The following TCERG1L variants were observed in gnomAD, a reference collection of about 807,000 sequenced individuals.
TCERG1L encodes the protein transcription elongation regulator 1-like protein.
TCERG1L carries 37 observed loss-of-function variants against 56.3 expected under a neutral mutation model. The observed-to-expected ratio is 0.66, with a 90% CI of 0.51 to 0.87. TCERG1L has a LOEUF of 0.87. Ranked by LOEUF, TCERG1L falls within the 40% of genes least tolerant of loss-of-function variation. The probability of loss-of-function intolerance (pLI) is 0.00; values close to 1 mark genes in which losing one functional copy is unlikely to be tolerated. For synonymous variants in TCERG1L, 324 were observed against 326.3 expected (o/e 0.99, Z 0.08); for missense variants, 799 against 774.2 (o/e 1.03, Z -0.38).
intron 4 of TCERG1L, 137 bp from the exon 5 acceptor site, chr10:131,167,022 T>C: frequency 5.6e-6 from 4 of 715,114 alleles, no homozygotes; most frequent in African/African-American, 1.8e-5. Flanking sequence ...AAAGGTGGCA[T>C]TGCCCTGTCC....
intron 4 of TCERG1L, among the ~76,000 whole-genome samples, chr10:131,206,638 G>C (rs928004581): frequency 3.9e-5 from 6 of 152,212 alleles, no homozygotes; most frequent in African/African-American, 1.4e-4. Context: ...TGTTCCCAAA[G>C]GGACGACTGT....
Position 131,146,492 on chromosome 10 carries a change from C to T in TCERG1L, c.1189+14G>A, listed in dbSNP as rs753704933. The T allele has an allele frequency of 6.3e-7, 1 of 1,595,816 alleles. No individual in the cohort carries two copies. The highest frequency in any genetic ancestry group is 1.1e-5 in the South Asian group (1 of 89,236). On this transcript the variant is annotated intron_variant, in intron 7 of 11. Transcript: ENST00000368642. ...CACTTCAAAGGAGGTGTAAATAACC[C>T]AGGGCTTAGTTACTTGCTGGTGCCT...
intron 3 of TCERG1L, among the ~76,000 whole-genome samples, chr10:131,273,717 G>A (rs1312115141): frequency 6.6e-6 from 1 of 152,152 alleles, no homozygotes; most frequent in African/African-American, 2.4e-5. Context: ...GGTGGCACTG[G>A]CCCAAGGTCT....
At chr10:131,270,538 T>C (rs1031420500) in intron 3 of TCERG1L, among the ~76,000 whole-genome samples, 4 of 152,188 alleles carry the variant, frequency 2.6e-5, no homozygotes, top group African/African-American at 7.2e-5. Context: ...TAATTAACCA[T>C]GTGCTTCCCT....
Position 131,112,304 on chromosome 10 carries a change from C to T in TCERG1L, c.1395+4495G>A, listed in dbSNP as rs192032334. Among the ~76,000 whole-genome samples the T allele has an allele frequency of 5.7e-4, 81 of 142,792 alleles. 5 individuals are homozygous for T. The highest frequency in any genetic ancestry group is 1.9e-3 in the African/African-American group (78 of 40,622). The allele number at this position is 142,792 out of a possible 152,430, so 93.7% of individuals were successfully genotyped here. ...TGACTCCCACACTGTCCTGGAGATG[C>T]CTGTCTGGATCTGCAGCCCACCCGG... On this transcript the variant is annotated intron_variant, in intron 9 of 11. Coordinates refer to ENST00000368642, the MANE Select transcript of TCERG1L (RefSeq NM_174937.4).
At chr10:131,284,836 T>C (rs550525946) in intron 3 of TCERG1L, among the ~76,000 whole-genome samples, 1 of 152,170 alleles carries the variant, frequency 6.6e-6, no homozygotes, top group South Asian at 2.1e-4. Context: ...CCTACCAGAA[T>C]AGGAAATAGA....
At chr10:131,215,758 A>G (rs566050231) in intron 4 of TCERG1L, among the ~76,000 whole-genome samples, 2 of 152,234 alleles carry the variant, frequency 1.3e-5, no homozygotes, top group Non-Finnish European at 2.9e-5. Context: ...GTTGCGGCCA[A>G]GAGTCTACCC....
intron 4 of TCERG1L, among the ~76,000 whole-genome samples, chr10:131,259,725 A>G (rs781424353): frequency 5.9e-5 from 9 of 152,158 alleles, no homozygotes; most frequent in Non-Finnish European, 1.0e-4. Context: ...ATGAGCTCAA[A>G]TGCCTTTGTG....
intron 3 of TCERG1L, among the ~76,000 whole-genome samples, chr10:131,278,283 G>A (rs902956262): frequency 2.0e-5 from 3 of 151,840 alleles, no homozygotes; most frequent in African/African-American, 7.3e-5. Flanking sequence ...GTGAAGATGA[G>A]ACGAGGCCCC....
At chr10:131,259,077 A>C (rs1846206042) in intron 4 of TCERG1L, among the ~76,000 whole-genome samples, 1 of 152,326 alleles carries the variant, frequency 6.6e-6, no homozygotes, top group Non-Finnish European at 1.5e-5. Context: ...TGATCTTGAG[A>C]ATACAATATC....
chr10:131,273,022 CTG>C (rs1233940841), intron 3 of TCERG1L, among the ~76,000 whole-genome samples: 3 of 152,180 alleles, frequency 2.0e-5, no homozygotes, highest in Non-Finnish European at 4.4e-5. Context: ...GCTTTGGAGA[CTG>C]TTCTTCAGAC....
intron 4 of TCERG1L, among the ~76,000 whole-genome samples, chr10:131,181,111 C>T (rs373046154): frequency 8.5e-5 from 13 of 152,340 alleles, no homozygotes; most frequent in East Asian, 5.8e-4. Flanking sequence ...CAGACCTCCG[C>T]GCTGCTCCCT....
chr10:131,158,835 C>A (rs1018988843), intron 6 of TCERG1L, among the ~76,000 whole-genome samples: 3 of 152,224 alleles, frequency 2.0e-5, no homozygotes, highest in African/African-American at 7.2e-5. Flanking sequence ...TTCCCTGAGA[C>A]ATGGGGAGCG....
At chr10:131,141,337 A>C in intron 7 of TCERG1L, among the ~76,000 whole-genome samples, 1 of 151,884 alleles carries the variant, frequency 6.6e-6, no homozygotes, top group East Asian at 1.9e-4. Context: ...AGCTCAAAAC[A>C]CACCCTTTAC....
intron 3 of TCERG1L, among the ~76,000 whole-genome samples, chr10:131,270,635 G>GT (rs1218099104): frequency 6.6e-6 from 1 of 152,230 alleles, no homozygotes; most frequent in Non-Finnish European, 1.5e-5. Flanking sequence ...GGCTGCTGCC[G>GT]TTGCTGGCGT....
chr10:131,304,472 C>T (rs1400397055), intron 3 of TCERG1L, among the ~76,000 whole-genome samples: 3 of 151,836 alleles, frequency 2.0e-5, no homozygotes, highest in Non-Finnish European at 4.4e-5. Context: ...GACAGGACTG[C>T]AGGGAGTGGG....
intron 2 of TCERG1L, among the ~76,000 whole-genome samples, chr10:131,308,639 A>T (rs576140462): frequency 6.6e-6 from 1 of 152,352 alleles, no homozygotes; most frequent in East Asian, 1.9e-4. Context: ...CCAGCAGTTC[A>T]GTTCACTGAT....
At chr10:131,288,743 G>C (rs887116084) in intron 3 of TCERG1L, among the ~76,000 whole-genome samples, 17 of 152,314 alleles carry the variant, frequency 1.1e-4, no homozygotes, top group Admixed American at 7.2e-4. Flanking sequence ...GAGACCCACA[G>C]AGAAGGCGGC....
At chr10:131,211,185 C>A (rs1250782736) in intron 4 of TCERG1L, among the ~76,000 whole-genome samples, 2 of 152,206 alleles carry the variant, frequency 1.3e-5, no homozygotes, top group Non-Finnish European at 2.9e-5. Flanking sequence ...GCCCTCCCTG[C>A]TGGAGGCACC....
Sources: gnomAD v4.1 joint callset for allele counts (sites outside exome capture counted in the v4.1 genomes callset) on GRCh38, gnomAD v4.1.1 for gene constraint, MANE v1.5 for transcripts, NCBI Gene and HGNC (gene_info 2026-07-23, HGNC 2026-07-21) for gene names.